The following ARHGAP26 variants were observed in gnomAD, a reference collection of about 807,000 sequenced individuals.
ARHGAP26 encodes Rho GTPase activating protein 26, also known as rho GTPase-activating protein 26.
In ARHGAP26, 38 loss-of-function variants were observed where a neutral mutation model predicts 104.8. That is an observed-to-expected ratio of 0.36 (90% CI 0.28 to 0.48). The LOEUF (loss-of-function observed/expected upper bound fraction) is 0.48. ARHGAP26 is among the 20% of genes least tolerant of loss of function. The pLI, the probability that ARHGAP26 is intolerant of heterozygous loss-of-function variation, is 0.99. For synonymous variants in ARHGAP26, 341 were observed against 340.0 expected (o/e 1.00, Z -0.03); for missense variants, 704 against 947.9 (o/e 0.74, Z 3.38).
rs551562602 is a variant in ARHGAP26, at chr5:143,224,158, A to G, written c.*1712A>G. ...TGTAAATAGAGTGATTTGAAATACT[A>G]TATGGCAAAGTTTTATATTTGATAT... On this transcript the variant is annotated 3_prime_UTR_variant, in exon 23 of 23. Transcript: ENST00000645722. The G allele has an allele frequency of 3.9e-5, 9 of 230,218 alleles. No individual in the cohort carries two copies. In the South Asian group the frequency reaches 1.5e-3, roughly 37 times the overall value. The allele number at this position is 230,218 out of a possible 1,614,324, so 14.3% of individuals were successfully genotyped here. A position where few individuals can be genotyped will look rare whatever the true frequency, so the allele number is the denominator to read the frequency against.
chr5:142,913,193 C>A lies in ARHGAP26; in HGVS notation c.934-6C>A. 3.7e-6 allele frequency: 6 copies of A among 1,613,316 alleles called. No homozygotes were observed. Among genetic ancestry groups the A allele is most frequent in the Non-Finnish European group, 5.1e-6 (6 of 1,179,280 alleles). ...CTCATCTTGATAGTCTGTGTGTTCC[C>A]ACTAGGGAGAAGATGAATCAGTTAT... On this transcript the variant is annotated splice_polypyrimidine_tract_variant and splice_region_variant and intron_variant, in intron 9 of 22. Coordinates refer to ENST00000645722, the MANE Select transcript of ARHGAP26 (RefSeq NM_001135608.3).
chr5:143,049,492 C>T (rs1027127289), intron 14 of ARHGAP26, among the ~76,000 whole-genome samples: 1 of 152,094 alleles, frequency 6.6e-6, no homozygotes, highest in Non-Finnish European at 1.5e-5. Context: ...TGGTTCCTGG[C>T]ATCCATATTT....
At chr5:142,965,825 C>T (rs528495405) in intron 11 of ARHGAP26, among the ~76,000 whole-genome samples, 16 of 152,194 alleles carry the variant, frequency 1.1e-4, no homozygotes, top group East Asian at 3.9e-4. Context: ...AGGATGCTGC[C>T]GAGACCTAGC....
intron 14 of ARHGAP26, among the ~76,000 whole-genome samples, chr5:143,048,266 T>C (rs752663384): frequency 2.6e-5 from 4 of 152,148 alleles, no homozygotes; most frequent in Non-Finnish European, 4.4e-5. Context: ...TGTTGTCTTA[T>C]GACTATTTTA....
At chr5:143,159,552 T>C (rs1800934184) in intron 20 of ARHGAP26, among the ~76,000 whole-genome samples, 1 of 152,160 alleles carries the variant, frequency 6.6e-6, no homozygotes, top group African/African-American at 2.4e-5. Context: ...AGATGGCACA[T>C]CAGCACCACA....
chr5:142,996,067 G>T (rs1436362996), intron 11 of ARHGAP26, among the ~76,000 whole-genome samples: 1 of 152,158 alleles, frequency 6.6e-6, no homozygotes, highest in Admixed American at 6.5e-5. Flanking sequence ...TGGAGGGATA[G>T]CATTAGGAGA....
chr5:142,909,157 G>A (rs1761509327), intron 9 of ARHGAP26, among the ~76,000 whole-genome samples: 1 of 151,958 alleles, frequency 6.6e-6, no homozygotes, highest in Admixed American at 6.6e-5. Context: ...TCTCCCTCTG[G>A]AGATATTTAA....
intron 20 of ARHGAP26, among the ~76,000 whole-genome samples, chr5:143,154,824 A>G (rs1800279862): frequency 6.6e-6 from 1 of 152,234 alleles, no homozygotes; most frequent in African/African-American, 2.4e-5. Context: ...AATGAATAAT[A>G]TGCATTAGAC....
intron 1 of ARHGAP26, among the ~76,000 whole-genome samples, chr5:142,777,835 G>A (rs1756661854): frequency 1.3e-5 from 2 of 152,210 alleles, no homozygotes; most frequent in Admixed American, 1.3e-4. Flanking sequence ...GCCAGGGCAA[G>A]GTCATAGGGA....
intron 1 of ARHGAP26, among the ~76,000 whole-genome samples, chr5:142,814,323 A>G (rs1221896830): frequency 6.6e-6 from 1 of 152,246 alleles, no homozygotes; most frequent in Non-Finnish European, 1.5e-5. Context: ...GACTGCCTAC[A>G]AGAGAGGTTT....
intron 1 of ARHGAP26, among the ~76,000 whole-genome samples, chr5:142,815,957 T>C (rs1765041820): frequency 7.4e-6 from 1 of 134,444 alleles, no homozygotes; most frequent in African/African-American, 3.4e-5. Flanking sequence ...ACCATGCTTA[T>C]TGTTTTTTTT....
At chr5:142,787,753 C>T (rs1758958316) in intron 1 of ARHGAP26, among the ~76,000 whole-genome samples, 1 of 152,090 alleles carries the variant, frequency 6.6e-6, no homozygotes, top group African/African-American at 2.4e-5. Flanking sequence ...TTAGAAATTA[C>T]AGATGGATAA....
chr5:142,846,894 G>A (rs1043423947), intron 1 of ARHGAP26, among the ~76,000 whole-genome samples: 45 of 152,348 alleles, frequency 3.0e-4, no homozygotes, highest in South Asian at 6.2e-4. Context: ...TGGGGGGACA[G>A]TGAGATCCAG....
chr5:142,994,539 T>C (rs1371485139), intron 11 of ARHGAP26, among the ~76,000 whole-genome samples: 4 of 152,052 alleles, frequency 2.6e-5, no homozygotes, highest in Admixed American at 1.3e-4. Context: ...AGAGTAACCA[T>C]TGTGAAGGCA....
chr5:143,147,254 A>G lies in ARHGAP26; in HGVS notation c.1861A>G (p.Asn621Asp). Residue 621 changes from asparagine to aspartate, a missense_variant, in exon 20 of 23, where the codon AAC becomes GAC. Asn to Asp is a conservative substitution (Grantham distance 23). Transcript: ENST00000645722. Reference protein sequence around the residue: ...EKQEQRNSIINSSLESVSSNP... With the variant: ...EKQEQRNSIIDSSLESVSSNP... ...AGAGGAACAAAGGAACAGCATCATCAACTCCAGTTTGGAATCTGTCTCATC... is the reference window on the plus strand; with the variant it reads ...AGAGGAACAAAGGAACAGCATCATCGACTCCAGTTTGGAATCTGTCTCATC... The G allele has an allele frequency of 8.1e-6, 13 of 1,614,054 alleles. No individual in the cohort carries two copies. The highest frequency in any genetic ancestry group is 1.1e-5 in the Non-Finnish European group (13 of 1,179,948).
At chr5:143,092,814 A>G (rs1251035141) in intron 17 of ARHGAP26, among the ~76,000 whole-genome samples, 1 of 152,230 alleles carries the variant, frequency 6.6e-6, no homozygotes. Context: ...TAAGCACTTT[A>G]AGGCTTGACT....
At chr5:143,046,185 G>A (rs1784212036) in intron 14 of ARHGAP26, among the ~76,000 whole-genome samples, 1 of 151,796 alleles carries the variant, frequency 6.6e-6, no homozygotes, top group African/African-American at 2.4e-5. Context: ...TGCACCTATA[G>A]CCCTGCTACT....
intron 6 of ARHGAP26, among the ~76,000 whole-genome samples, chr5:142,901,398 G>A (rs1438585102): frequency 6.6e-6 from 1 of 152,188 alleles, no homozygotes; most frequent in Non-Finnish European, 1.5e-5. Flanking sequence ...GGGAAAGCAC[G>A]GAAACACACT....
At chr5:142,801,654 TC>T (rs1178907539) in intron 1 of ARHGAP26, among the ~76,000 whole-genome samples, 1 of 151,892 alleles carries the variant, frequency 6.6e-6, no homozygotes, top group African/African-American at 2.4e-5. Flanking sequence ...TGGATTGCCT[TC>T]CAAAGGCAAA....
Sources: gnomAD v4.1 joint callset for allele counts (sites outside exome capture counted in the v4.1 genomes callset) on GRCh38, gnomAD v4.1.1 for gene constraint, MANE v1.5 for transcripts, NCBI Gene and HGNC (gene_info 2026-07-23, HGNC 2026-07-21) for gene names.